Variants in TRIM37 observed in about 807,000 individuals in gnomAD.
TRIM37 encodes the protein tripartite motif containing 37.
TRIM37 carries 80 observed loss-of-function variants against 129.8 expected under a neutral mutation model. That is an observed-to-expected ratio of 0.62 (90% confidence interval 0.51 to 0.74). TRIM37 has a LOEUF of 0.74. TRIM37 is among the 30% of genes least tolerant of loss of function. The pLI, the probability that TRIM37 is intolerant of heterozygous loss-of-function variation, is 0.00. For synonymous variants in TRIM37, 389 were observed against 387.1 expected (o/e 1.00, Z -0.06); for missense variants, 1,054 against 1,176.5 (o/e 0.90, Z 1.52).
At chr17:59,086,956 A>C (rs1420219551) in intron 4 of TRIM37, among the ~76,000 whole-genome samples, 1 of 152,228 alleles carries the variant, frequency 6.6e-6, no homozygotes, top group African/African-American at 2.4e-5. Flanking sequence ...TTCAGAGGAA[A>C]AACACCTAAG....
intron 6 of TRIM37, among the ~76,000 whole-genome samples, chr17:59,080,642 T>C (rs891822027): frequency 6.6e-5 from 10 of 151,956 alleles, no homozygotes; most frequent in African/African-American, 2.4e-4. Flanking sequence ...AATACAAAAA[T>C]TAGCTGGGCG....
rs1239898341 is a variant in TRIM37, at chr17:59,088,385, G to T, written c.187C>A (p.Leu63Ile). 6.2e-7 allele frequency: 1 copy of T among 1,613,014 alleles called. No homozygotes were observed. The highest frequency in any genetic ancestry group is 8.5e-7 in the Non-Finnish European group (1 of 1,179,042). The part of the protein sequence containing the change: ...HCRAPLQLRE[L>I]VNCRWAEEVT... ...TCTTCTGCCCAACGACAATTTACTA[G>T]TTCTCGTAGCTGGAGTGGAGCACTG... The change falls in exon 4 of 24, where the codon CTA becomes ATA. Residue 63 changes from leucine (L) to isoleucine (I), a missense_variant. Leu to Ile is a conservative substitution (Grantham distance 5). Transcript: ENST00000262294.
chr17:59,084,008 T>C lies in TRIM37; in HGVS notation c.363A>G (p.Gly121=). 1.2e-6 allele frequency: 2 copies of C among 1,613,504 alleles called. No homozygotes were observed. Among genetic ancestry groups the C allele is most frequent in the Non-Finnish European group, 1.7e-6 (2 of 1,179,636 alleles). The part of the protein sequence containing the change: ...KCICHQCALW[G]GMHGGHTFKP... Reference sequence around the variant, plus strand: ...CTGAATTTGTTCTGCTCACCATTCCTCCCCAAAGTGCACACTGATGGCAGA... The same window carrying C: ...CTGAATTTGTTCTGCTCACCATTCCCCCCCAAAGTGCACACTGATGGCAGA... The change falls in exon 5 of 24, where the codon GGA becomes GGG. Residue 121 remains glycine (G), a synonymous_variant. Coordinates refer to ENST00000262294, the MANE Select transcript of TRIM37 (RefSeq NM_015294.6).
At chr17:59,045,143 G>T (rs983714745) in intron 16 of TRIM37, among the ~76,000 whole-genome samples, 2 of 151,738 alleles carry the variant, frequency 1.3e-5, no homozygotes, top group African/African-American at 4.8e-5. Flanking sequence ...TGGCTAACAC[G>T]GTGAAACCCC....
intron 13 of TRIM37, among the ~76,000 whole-genome samples, chr17:59,053,797 C>T (rs2040576065): frequency 6.6e-6 from 1 of 151,842 alleles, no homozygotes; most frequent in African/African-American, 2.4e-5. Flanking sequence ...TAAAATAATC[C>T]CTCCCCTCAA....
the TRIM37 span, among the ~76,000 whole-genome samples, chr17:58,969,178 A>G: frequency 1.3e-5 from 2 of 152,258 alleles, no homozygotes; most frequent in East Asian, 3.9e-4. Context: ...CTTTTGTTCA[A>G]TTCCTTCTCA....
intron 16 of TRIM37, among the ~76,000 whole-genome samples, chr17:59,042,523 G>T (rs1003838354): frequency 1.6e-4 from 24 of 147,540 alleles, no homozygotes; most frequent in African/African-American, 5.8e-4. Flanking sequence ...AGAACTTTGG[G>T]AGGCTAAGGT....
At position 58,998,791 on chromosome 17, in the gene TRIM37, T is replaced by C. The variant is rs977151947; in HGVS notation, c.*586A>G. On this transcript the variant is annotated 3_prime_UTR_variant, in exon 24 of 24. Transcript: ENST00000262294. ...AGAAAGATACCATGCGGTTGAACAGTGTGCCTGTACTTGAACAAGTGAGAG... is the reference window on the plus strand; with the variant it reads ...AGAAAGATACCATGCGGTTGAACAGCGTGCCTGTACTTGAACAAGTGAGAG... 2 of 986,956 alleles carry C rather than the reference T, an allele frequency of 2.0e-6. No individual in the cohort carries two copies. Among genetic ancestry groups the C allele is most frequent in the East Asian group, 1.1e-4 (1 of 8,850 alleles). The allele number at this position is 986,956 out of a possible 1,614,324, so 61.1% of individuals were successfully genotyped here. A position where few individuals can be genotyped will look rare whatever the true frequency, so the allele number is the denominator to read the frequency against.
chr17:59,007,329 T>C (rs2034672517), intron 22 of TRIM37, among the ~76,000 whole-genome samples: 3 of 151,098 alleles, frequency 2.0e-5, no homozygotes, highest in African/African-American at 4.9e-5. Flanking sequence ...GAGAGATTTG[T>C]TAATGTAAAA....
At chr17:58,972,902 G>T in the TRIM37 span, 1 of 1,613,096 alleles carries the variant, frequency 6.2e-7, no homozygotes, top group Non-Finnish European at 8.5e-7. Context: ...GTGAATGGAA[G>T]TCTGTCGGTT....
chr17:59,093,309 A>G (rs1053093416), intron 2 of TRIM37, among the ~76,000 whole-genome samples: 8 of 152,150 alleles, frequency 5.3e-5, no homozygotes, highest in African/African-American at 1.4e-4. Flanking sequence ...CTCTTCTGTT[A>G]AAGTCACAGC....
At chr17:59,092,220 C>T (rs2044459204) in intron 2 of TRIM37, among the ~76,000 whole-genome samples, 1 of 151,826 alleles carries the variant, frequency 6.6e-6, no homozygotes, top group East Asian at 1.9e-4. Context: ...TGGTGAAACC[C>T]CGTCTCTACT....
intron 7 of TRIM37, among the ~76,000 whole-genome samples, chr17:59,077,788 C>G (rs1221940004): frequency 1.0e-5 from 1 of 96,590 alleles, no homozygotes; most frequent in Non-Finnish European, 1.9e-5. Flanking sequence ...CCAGCCTGGG[C>G]AACAGAACGA....
intron 12 of TRIM37, among the ~76,000 whole-genome samples, chr17:59,057,714 G>C (rs1166430106): frequency 6.6e-6 from 1 of 152,022 alleles, no homozygotes; most frequent in Non-Finnish European, 1.5e-5. Context: ...AGTAGAGACA[G>C]GGTTTCATAA....
chr17:59,027,138 T>C (rs187783368), intron 19 of TRIM37, among the ~76,000 whole-genome samples: 113 of 152,314 alleles, frequency 7.4e-4, no homozygotes, highest in Non-Finnish European at 1.2e-3. Flanking sequence ...AGTTTCAAAG[T>C]TGTGTACCAT....
At chr17:59,004,966 G>C (rs192089228) in intron 22 of TRIM37, among the ~76,000 whole-genome samples, 1 of 152,174 alleles carries the variant, frequency 6.6e-6, no homozygotes, top group South Asian at 2.1e-4. Flanking sequence ...AAAGAGTGAA[G>C]AGTTTACAAC....
chr17:59,072,629 T>C (rs931013880), intron 8 of TRIM37, among the ~76,000 whole-genome samples: 2 of 151,736 alleles, frequency 1.3e-5, no homozygotes, highest in East Asian at 3.9e-4. Context: ...GTGCCTGTAG[T>C]CCCAGCTACT....
In TRIM37 at chr17:58,999,336, G is replaced by A. The variant is rs752921010; in HGVS notation, c.*41C>T. 1 of 1,613,460 alleles carries A rather than the reference G, an allele frequency of 6.2e-7. No individual in the cohort carries two copies. ...TGAGCACCAACTACAGCAAAATTCA[G>A]GGTCAAGGTAGCTTGCAAGTCAGTT... On this transcript the variant is annotated 3_prime_UTR_variant, in exon 24 of 24. Coordinates refer to ENST00000262294, the MANE Select transcript of TRIM37 (RefSeq NM_015294.6).
chr17:59,060,443 TA>T (rs896085922), intron 12 of TRIM37, among the ~76,000 whole-genome samples: 68 of 147,726 alleles, frequency 4.6e-4, no homozygotes, highest in East Asian at 2.0e-3. Flanking sequence ...GTAACAGAGT[TA>T]AAAAAAAAAA....
Sources: allele counts gnomAD v4.1 joint callset (sites outside exome capture counted in the v4.1 genomes callset), GRCh38; gene constraint gnomAD v4.1.1; transcripts MANE v1.5; gene names NCBI Gene and HGNC (gene_info 2026-07-23, HGNC 2026-07-21).